The following UBE3D variants were observed in gnomAD, a reference collection of about 807,000 sequenced individuals.
UBE3D encodes ubiquitin protein ligase E3D, also known as E3 ubiquitin-protein ligase E3D.
In UBE3D, 48 loss-of-function variants were observed where a neutral mutation model predicts 49.6. That is an observed-to-expected ratio of 0.97 (90% CI 0.77 to 1.23). The LOEUF is 1.23. Among genes scored for constraint, UBE3D ranks in the 50% most tolerant of loss-of-function variants. The probability of loss-of-function intolerance (pLI) is 0.00; values close to 1 mark genes in which losing one functional copy is unlikely to be tolerated. For missense variants in UBE3D, 452 were observed against 468.4 expected (o/e 0.96, Z 0.32); for synonymous variants, 189 against 174.2 (o/e 1.08, Z -0.67).
chr6:83,007,040 T>C (rs1323204419), intron 8 of UBE3D, among the ~76,000 whole-genome samples: 1 of 152,190 alleles, frequency 6.6e-6, no homozygotes, highest in Non-Finnish European at 1.5e-5. Context: ...CTATGAAATA[T>C]ATATGGGTGT....
intron 9 of UBE3D, among the ~76,000 whole-genome samples, chr6:82,932,193 G>A (rs1189468045): frequency 2.6e-5 from 4 of 152,036 alleles, no homozygotes; most frequent in Non-Finnish European, 5.9e-5. Flanking sequence ...CTACTCTCAG[G>A]TATGTCTTTA....
In UBE3D at chr6:83,064,379, C is replaced by T. The variant is rs1784366326; in HGVS notation, c.77+1263G>A. On this transcript the variant is annotated intron_variant, in intron 1 of 9. Transcript: ENST00000369747. ...GCTGGGACTGACTAAAGGTGCGCGC[C>T]ACCACACCCAGCTAATTTTTGTATT... Among the ~76,000 whole-genome samples, 3 of 152,094 alleles carry T rather than the reference C, an allele frequency of 2.0e-5. No individual in the cohort carries two copies. The South Asian group carries it at 6.2e-4, about 32-fold the overall frequency.
chr6:82,910,174 G>A (rs534347794), intron 9 of UBE3D, among the ~76,000 whole-genome samples: 22 of 152,182 alleles, frequency 1.4e-4, no homozygotes, highest in African/African-American at 5.1e-4. Flanking sequence ...TCTTCCTGAC[G>A]ACACTTTGTG....
At chr6:82,983,419 T>G (rs1778248132) in intron 8 of UBE3D, among the ~76,000 whole-genome samples, 1 of 152,140 alleles carries the variant, frequency 6.6e-6, no homozygotes, top group Non-Finnish European at 1.5e-5. Flanking sequence ...CCACTTCTGG[T>G]TGGATCCCTG....
chr6:83,024,202 G>C (rs1366847126), intron 5 of UBE3D, among the ~76,000 whole-genome samples, 164 bp from the exon 6 acceptor site: 1 of 152,126 alleles, frequency 6.6e-6, no homozygotes. Context: ...AGAAGACAAA[G>C]CATTGGTCAC....
chr6:83,041,693 A>G (rs1782681767), intron 4 of UBE3D, among the ~76,000 whole-genome samples: 1 of 152,202 alleles, frequency 6.6e-6, no homozygotes, highest in African/African-American at 2.4e-5. Context: ...AGAAAACAAA[A>G]AAGACACACT....
chr6:82,938,492 T>A (rs902720078), intron 9 of UBE3D: 2 of 152,100 alleles, frequency 1.3e-5, no homozygotes, highest in Non-Finnish European at 2.9e-5. Context: ...CTACAAGACA[T>A]CTGAGGGTAA....
chr6:82,894,925 T>C (rs1771201376), intron 9 of UBE3D, among the ~76,000 whole-genome samples: 1 of 152,196 alleles, frequency 6.6e-6, no homozygotes, highest in African/African-American at 2.4e-5. Context: ...ACCATTTATC[T>C]CTTTTGTAAT....
chr6:82,929,810 C>T (rs2127743211), intron 9 of UBE3D, among the ~76,000 whole-genome samples: 1 of 152,220 alleles, frequency 6.6e-6, no homozygotes, highest in African/African-American at 2.4e-5. Context: ...CCCTCTGTAT[C>T]CACACATGTA....
At chr6:82,998,384 C>A (rs1165076738) in intron 8 of UBE3D, among the ~76,000 whole-genome samples, 1 of 152,180 alleles carries the variant, frequency 6.6e-6, no homozygotes, top group African/African-American at 2.4e-5. Flanking sequence ...AGGAACACTG[C>A]AGTTCCTTTA....
chr6:83,037,856 G>C (rs1365677815), intron 5 of UBE3D: 1 of 151,992 alleles, frequency 6.6e-6, no homozygotes, highest in Non-Finnish European at 1.5e-5. Flanking sequence ...AAAAGAATAA[G>C]GGACAAAGTA....
At chr6:83,008,301 T>C (rs1780117041) in intron 8 of UBE3D, among the ~76,000 whole-genome samples, 1 of 152,204 alleles carries the variant, frequency 6.6e-6, no homozygotes, top group Admixed American at 6.5e-5. Context: ...ACAGGTGAAC[T>C]GATGAATTGG....
chr6:82,926,611 T>C (rs1773769186), intron 9 of UBE3D, among the ~76,000 whole-genome samples: 1 of 152,196 alleles, frequency 6.6e-6, no homozygotes, highest in South Asian at 2.1e-4. Context: ...GTCAGTGTTC[T>C]GGATTATGGC....
chr6:82,896,601 A>G (rs1191499433), intron 9 of UBE3D, among the ~76,000 whole-genome samples: 1 of 152,224 alleles, frequency 6.6e-6, no homozygotes, highest in Non-Finnish European at 1.5e-5. Context: ...TTGATGTATC[A>G]TTGACCAAAT....
chr6:82,978,358 C>T (rs1210613686), intron 8 of UBE3D, among the ~76,000 whole-genome samples: 1 of 152,104 alleles, frequency 6.6e-6, no homozygotes, highest in Non-Finnish European at 1.5e-5. Context: ...AGAGAGACCC[C>T]AAAGTTTCCT....
chr6:83,058,608 C>T (rs761068791), intron 1 of UBE3D, among the ~76,000 whole-genome samples: 2 of 152,322 alleles, frequency 1.3e-5, no homozygotes. Flanking sequence ...AACTGCAATA[C>T]GCTTAGCAAT....
intron 9 of UBE3D, among the ~76,000 whole-genome samples, chr6:82,948,590 A>G (rs796596389): frequency 2.4e-4 from 36 of 152,190 alleles, no homozygotes; most frequent in African/African-American, 8.4e-4. Context: ...AATTATCTCT[A>G]AAGAATATTG....
chr6:83,050,274 C>T lies in UBE3D; in HGVS notation c.365+3874G>A, dbSNP rs191997070. ...AAAAAAAAAAAGAATAAGCATTAGT[C>T]CCAGACTATCAAATAATCATGAATC... On this transcript the variant is annotated intron_variant, in intron 3 of 9. Coordinates refer to ENST00000369747, the MANE Select transcript of UBE3D (RefSeq NM_198920.3). Among the ~76,000 whole-genome samples the T allele has an allele frequency of 2.9e-3, 437 of 151,086 alleles. 1 individual carries two copies. Among genetic ancestry groups the T allele is most frequent in the African/African-American group, 9.6e-3 (394 of 41,228 alleles).
intron 8 of UBE3D, among the ~76,000 whole-genome samples, chr6:82,981,128 A>C (rs12209330): frequency 0.18 from 26,853 of 152,076 alleles, 2,534 homozygotes; most frequent in African/African-American, 0.24. Flanking sequence ...TTTCATTTTA[A>C]AAACAAGGAA....
Sources: gnomAD v4.1 joint callset for allele counts (sites outside exome capture counted in the v4.1 genomes callset) on GRCh38, gnomAD v4.1.1 for gene constraint, MANE v1.5 for transcripts, NCBI Gene and HGNC (gene_info 2026-07-23, HGNC 2026-07-21) for gene names.